Variants in NXF3 observed in about 807,000 individuals in gnomAD.
The protein encoded by NXF3 is nuclear RNA export factor 3.
Under a neutral mutation model 48.4 loss-of-function variants are expected in NXF3, and 34 were observed. The observed-to-expected ratio is 0.70, with a 90% CI of 0.53 to 0.93. NXF3 has a LOEUF of 0.93. Ranked by LOEUF, NXF3 falls within the 40% of genes least tolerant of loss-of-function variation. The probability of loss-of-function intolerance (pLI) is 0.00; values close to 1 mark genes in which losing one functional copy is unlikely to be tolerated. For missense variants in NXF3, 359 were observed against 406.1 expected, an observed-to-expected ratio of 0.88 and a Z score of 1.00; for synonymous variants, 132 against 145.7, an observed-to-expected ratio of 0.91 and a Z score of 0.68.
chrX:103,087,456 G>A, intron 1 of NXF3: 1 of 1,077,822 alleles, frequency 9.3e-7, no homozygotes, highest in Non-Finnish European at 1.3e-6. Context: ...GTGTTTGTCA[G>A]CGCCACTTAA....
chrX:103,091,810 C>T (rs888447225), intron 1 of NXF3, among the ~76,000 whole-genome samples: 1 of 108,570 alleles, frequency 9.2e-6, no homozygotes, highest in Admixed American at 9.9e-5. Flanking sequence ...ACCGTGAAAC[C>T]CCGTCTCTAC....
chrX:103,090,988 G>A (rs2147598620), intron 1 of NXF3, among the ~76,000 whole-genome samples: 1 of 112,422 alleles, frequency 8.9e-6, no homozygotes, highest in East Asian at 2.8e-4. Flanking sequence ...TTACACAAAA[G>A]CAAGGAATAG....
At chrX:103,085,900 CAAAAAAA>C (rs56135590) in intron 1 of NXF3, among the ~76,000 whole-genome samples, 2,919 of 43,543 alleles carry the variant, frequency 0.067, 167 homozygotes, top group South Asian at 0.51. Context: ...GAGACTCTGT[CAAAAAAA>C]AAAAAAAAAA....
In NXF3 at chrX:103,084,695, G is replaced by T. The variant is rs367997992; in HGVS notation, c.197+20C>A. ...TCACTGGCTGGTACATTCCAGCCAT[G>T]CTGACTACTGGTCACTTACTATCTT... On this transcript the variant is annotated intron_variant, in intron 2 of 19. Transcript: ENST00000395065. The T allele has an allele frequency of 8.3e-7, 1 of 1,202,765 alleles. No homozygotes were observed. Among genetic ancestry groups the T allele is most frequent in the Non-Finnish European group, 1.1e-6 (1 of 889,467 alleles).
In NXF3 at chrX:103,093,118, G is replaced by A. The variant is rs779828374; in HGVS notation, c.-95C>T. 1.9e-5 allele frequency: 16 copies of A among 825,423 alleles called. No individual in the cohort carries two copies. The highest frequency in any genetic ancestry group is 6.0e-5 in the African/African-American group (3 of 50,193). The allele number at this position is 825,423 out of a possible 1,213,427, so 68.0% of individuals were successfully genotyped here. ...ATTGAGGAGGGCTGCTGACGAAGGCGAGAGCAAGCCTCAAGCCTTGCTTAC... is the reference window on the plus strand; with the variant it reads ...ATTGAGGAGGGCTGCTGACGAAGGCAAGAGCAAGCCTCAAGCCTTGCTTAC... On this transcript the variant is annotated 5_prime_UTR_variant, in exon 1 of 20. Coordinates refer to ENST00000395065, the MANE Select transcript of NXF3 (RefSeq NM_022052.2).
At chrX:103,080,655 G>C (rs1160209636) in intron 9 of NXF3, 43 bp from the exon 10 acceptor site, 1 of 1,164,635 alleles carries the variant, frequency 8.6e-7, no homozygotes, top group South Asian at 1.8e-5. Context: ...AAGTGAAACT[G>C]TGGAGCTGTC....
chrX:103,092,793 C>G (rs367965540), intron 1 of NXF3, among the ~76,000 whole-genome samples: 28 of 112,604 alleles, frequency 2.5e-4, no homozygotes, highest in African/African-American at 9.0e-4. Context: ...TTTACCAACC[C>G]CTGCCTCAGG....
chrX:103,088,212 C>T (rs920165245), intron 1 of NXF3: 10 of 850,777 alleles, frequency 1.2e-5, no homozygotes, highest in Non-Finnish European at 1.7e-5. Flanking sequence ...AAATATTGGC[C>T]AAGCTTAAAC....
Position 103,076,260 on chromosome X carries a change from T to C in NXF3, c.*30A>G, listed in dbSNP as rs754017118. On this transcript the variant is annotated 3_prime_UTR_variant, in exon 19 of 20. Coordinates refer to ENST00000395065, the MANE Select transcript of NXF3 (RefSeq NM_022052.2). ...CCTCACCTTGGGCCATGCAAGAACA[T>C]GAGGAGCTCTGACGTAGTCACACTG... 8.3e-7 allele frequency: 1 copy of C among 1,208,345 alleles called. No individual in the cohort carries two copies. The highest frequency in any genetic ancestry group is 1.8e-5 in the South Asian group (1 of 56,845).
At chrX:103,080,245 G>A in intron 10 of NXF3, 29 bp from the exon 11 acceptor site, 3 of 1,173,800 alleles carry the variant, frequency 2.6e-6, no homozygotes, top group Non-Finnish European at 2.3e-6. Flanking sequence ...AGTCAGTAGT[G>A]CAAAGTAGGG....
intron 17 of NXF3, among the ~76,000 whole-genome samples, chrX:103,078,175 C>A (rs188142599): frequency 4.2e-4 from 47 of 111,978 alleles, no homozygotes; most frequent in African/African-American, 1.5e-3. Context: ...CTCACTCAGG[C>A]TGGAGTGCAG....
chrX:103,088,507 G>C (rs1333810257), intron 1 of NXF3: 2 of 1,042,063 alleles, frequency 1.9e-6, no homozygotes, highest in Non-Finnish European at 2.6e-6. Flanking sequence ...ATAATTCAGT[G>C]AATAAGAAAG....
At chrX:103,084,644 C>T in intron 2 of NXF3, 71 bp downstream of exon 2, 2 of 1,145,978 alleles carry the variant, frequency 1.7e-6, no homozygotes, top group Non-Finnish European at 2.4e-6. Context: ...GAAAGAATGA[C>T]ATATTCAGCT....
chrX:103,082,223 G>C (rs1468335414), intron 9 of NXF3, 32 bp downstream of exon 9: 1 of 1,008,789 alleles, frequency 9.9e-7, no homozygotes, highest in Non-Finnish European at 1.4e-6. Context: ...CACAGGTCAG[G>C]GTCCCAGGTG....
chrX:103,092,249 T>C (rs984723335), intron 1 of NXF3, among the ~76,000 whole-genome samples: 2 of 110,623 alleles, frequency 1.8e-5, no homozygotes, highest in Non-Finnish European at 3.8e-5. Flanking sequence ...TTTTTTGTAC[T>C]GCAATAGGGC....
chrX:103,086,186 C>G (rs1922150198), intron 1 of NXF3, among the ~76,000 whole-genome samples: 2 of 111,505 alleles, frequency 1.8e-5, no homozygotes, highest in African/African-American at 6.5e-5. Context: ...TTTGGGAGGC[C>G]GAGATGGGCG....
rs765764547 is a variant in NXF3, at chrX:103,077,594, T to C, written c.1584+20A>G. On this transcript the variant is annotated intron_variant, in intron 18 of 19. Transcript: ENST00000395065. ...GCAACTGGTAGTTCATCCCCCAGAC[T>C]GGGCAGAGAAAACCTGTACCATTTT... The C allele has an allele frequency of 9.9e-6, 12 of 1,207,230 alleles. No homozygotes were observed. In the South Asian group the frequency reaches 1.9e-4, roughly 20 times the overall value.
intron 2 of NXF3, 91 bp downstream of exon 2, chrX:103,084,624 T>C: frequency 8.8e-7 from 1 of 1,133,993 alleles, no homozygotes; most frequent in Non-Finnish European, 1.2e-6. Context: ...TTCCTCTCTC[T>C]GTCAAGTTGG....
intron 8 of NXF3, 132 bp downstream of exon 8, chrX:103,082,628 A>G (rs1353257250): frequency 3.5e-6 from 2 of 576,501 alleles, no homozygotes; most frequent in African/African-American, 4.6e-5. Flanking sequence ...GTTCAAGGGC[A>G]AAAGCTATGG....
Sources: allele counts gnomAD v4.1 joint callset (sites outside exome capture counted in the v4.1 genomes callset), GRCh38; gene constraint gnomAD v4.1.1; transcripts MANE v1.5; gene names NCBI Gene and HGNC (gene_info 2026-07-23, HGNC 2026-07-21).